The following SRGAP1 variants were observed in gnomAD, a reference collection of about 807,000 sequenced individuals.
SRGAP1 encodes the protein SLIT-ROBO Rho GTPase-activating protein 1.
SRGAP1 carries 43 observed loss-of-function variants against 121.9 expected under a neutral mutation model. The observed-to-expected ratio is 0.35, with a 90% CI of 0.28 to 0.46. The LOEUF is 0.46. Among genes scored for constraint, SRGAP1 ranks in the 20% least tolerant of loss-of-function variants. The pLI, the probability that SRGAP1 is intolerant of heterozygous loss-of-function variation, is 1.00. For synonymous variants in SRGAP1, 447 were observed against 485.4 expected, an observed-to-expected ratio of 0.92 and a Z score of 1.04; for missense variants, 1,102 against 1,350.9, an observed-to-expected ratio of 0.82 and a Z score of 2.89.
intron 1 of SRGAP1, among the ~76,000 whole-genome samples, chr12:63,851,070 C>T (rs149164401): frequency 0.027 from 4,098 of 152,190 alleles, 207 homozygotes; most frequent in African/African-American, 0.092. Context: ...GCACAAGAAT[C>T]ACTTGAACCC....
intron 1 of SRGAP1, chr12:63,878,920 C>A (rs921421865): frequency 6.6e-6 from 1 of 152,304 alleles, no homozygotes; most frequent in Non-Finnish European, 1.5e-5. Flanking sequence ...AACAGATAAA[C>A]CCAATGAACA....
At chr12:64,085,012 C>CA (rs1237530477) in intron 10 of SRGAP1, among the ~76,000 whole-genome samples, 2 of 152,070 alleles carry the variant, frequency 1.3e-5, no homozygotes, top group African/African-American at 4.8e-5. Flanking sequence ...TAGGATCTTT[C>CA]AAAGTATTTG....
intron 3 of SRGAP1, among the ~76,000 whole-genome samples, chr12:64,008,884 G>A (rs562613715): frequency 6.6e-6 from 1 of 152,214 alleles, no homozygotes; most frequent in East Asian, 1.9e-4. Flanking sequence ...TTAAGAGTAA[G>A]CTTATGGGTT....
chr12:64,086,845 A>G (rs1477288446), intron 10 of SRGAP1, among the ~76,000 whole-genome samples, 154 bp from the exon 11 acceptor site: 3 of 151,964 alleles, frequency 2.0e-5, no homozygotes, highest in South Asian at 2.1e-4. Context: ...TTATGTGTCT[A>G]TCTTCATATG....
chr12:64,007,797 C>G (rs1311755388), intron 3 of SRGAP1, among the ~76,000 whole-genome samples: 1 of 152,130 alleles, frequency 6.6e-6, no homozygotes, highest in Non-Finnish European at 1.5e-5. Context: ...ATCTAGAATT[C>G]TGCTTTGTTG....
chr12:63,926,516 G>A (rs544222262), intron 1 of SRGAP1, among the ~76,000 whole-genome samples: 3 of 152,184 alleles, frequency 2.0e-5, no homozygotes, highest in African/African-American at 7.2e-5. Flanking sequence ...TAGGGCTCAA[G>A]TCTTCTTTTT....
chr12:64,018,673 A>G (rs955460778), intron 4 of SRGAP1, among the ~76,000 whole-genome samples: 6 of 152,180 alleles, frequency 3.9e-5, no homozygotes, highest in Admixed American at 1.3e-4. Flanking sequence ...GACAGTTTCT[A>G]TGTGTTCCTC....
chr12:63,932,229 C>T (rs1366648750), intron 1 of SRGAP1, among the ~76,000 whole-genome samples: 1 of 152,038 alleles, frequency 6.6e-6, no homozygotes, highest in Non-Finnish European at 1.5e-5. Flanking sequence ...TTCAGTGAGC[C>T]GAGATTGCAC....
At chr12:63,908,702 T>C (rs1020711629) in intron 1 of SRGAP1, among the ~76,000 whole-genome samples, 5 of 152,112 alleles carry the variant, frequency 3.3e-5, no homozygotes, top group Non-Finnish European at 7.4e-5. Context: ...TAAACTTCTT[T>C]TGTTAAAGTT....
intron 7 of SRGAP1, 67 bp from the exon 8 acceptor site, chr12:64,065,051 A>G (rs1396850798): frequency 1.7e-6 from 2 of 1,166,520 alleles, no homozygotes; most frequent in Admixed American, 4.6e-5. Flanking sequence ...CATTTAAATA[A>G]CAGAGCCGTG....
At chr12:63,873,645 A>G (rs1384300241) in intron 1 of SRGAP1, among the ~76,000 whole-genome samples, 1 of 150,778 alleles carries the variant, frequency 6.6e-6, no homozygotes, top group Non-Finnish European at 1.5e-5. Flanking sequence ...GCTGAATGCC[A>G]TATAAAATTA....
intron 1 of SRGAP1, among the ~76,000 whole-genome samples, chr12:63,890,429 C>G (rs1206725731): frequency 1.3e-5 from 2 of 152,116 alleles, no homozygotes; most frequent in Non-Finnish European, 2.9e-5. Context: ...TTGAGTTTTG[C>G]TTCCACAGTG....
intron 6 of SRGAP1, 41 bp downstream of exon 6, chr12:64,043,616 A>G: frequency 1.4e-6 from 2 of 1,478,938 alleles, no homozygotes; most frequent in Non-Finnish European, 1.8e-6. Flanking sequence ...ATTAAAATGA[A>G]ATTAACAATA....
At chr12:64,121,168 C>T (rs2036600899) in intron 18 of SRGAP1, among the ~76,000 whole-genome samples, 1 of 151,928 alleles carries the variant, frequency 6.6e-6, no homozygotes, top group Admixed American at 6.6e-5. Context: ...CATGCACCAC[C>T]ATGCCTGGCT....
chr12:64,115,885 GT>G lies in SRGAP1; in HGVS notation c.2217del (p.Ser739ArgfsTer8), dbSNP rs1311711223. The G allele has an allele frequency of 3.1e-6, 5 of 1,611,886 alleles. No individual in the cohort carries two copies. Among genetic ancestry groups the G allele is most frequent in the Non-Finnish European group, 4.2e-6 (5 of 1,178,860 alleles). On this transcript the variant is annotated frameshift_variant, in exon 18 of 22. Coordinates refer to ENST00000355086, the MANE Select transcript of SRGAP1 (RefSeq NM_020762.4). LOFTEE classifies it high-confidence loss of function. ...GATGCTGGTACAGAGCCCCACACAA[GT>G]GAAGATGGTATGCTCTCCCCTTATG... Reference protein sequence around the residue: ...DQDAGTEPHTSEDECEPIEAI... With the variant: ...DQDAGTEPHTXEDECEPIEAI...
At chr12:63,936,106 TAAC>T (rs1477805048) in intron 1 of SRGAP1, among the ~76,000 whole-genome samples, 2 of 150,208 alleles carry the variant, frequency 1.3e-5, no homozygotes, top group African/African-American at 5.1e-5. Flanking sequence ...AGTGTTATAA[TAAC>T]AGTTATTTTT....
At chr12:64,069,251 C>T (rs755597189) in intron 8 of SRGAP1, among the ~76,000 whole-genome samples, 18 of 152,148 alleles carry the variant, frequency 1.2e-4, no homozygotes, top group Non-Finnish European at 2.2e-4. Context: ...TATCACCTGC[C>T]TTAAAACAAA....
Position 64,151,885 on chromosome 12 carries a change from A to T in SRGAP1, c.*9213A>T, listed in dbSNP as rs960615367. On this transcript the variant is annotated 3_prime_UTR_variant, in exon 22 of 22. Coordinates refer to ENST00000355086, the MANE Select transcript of SRGAP1 (RefSeq NM_020762.4). ...AACCCACTTTGTTTCATTCCAAAAA[A>T]TATTCTGCAGCCCCTCTACATCCTC... 1 of 152,214 alleles carries T rather than the reference A, an allele frequency of 6.6e-6. No individual in the cohort carries two copies. Among genetic ancestry groups the T allele is most frequent in the African/African-American group, 2.4e-5 (1 of 41,442 alleles). 9.4% of individuals were successfully genotyped at this position (152,214 alleles called of 1,614,324 possible).
chr12:64,085,848 T>C (rs1476553314), intron 10 of SRGAP1, among the ~76,000 whole-genome samples: 2 of 152,212 alleles, frequency 1.3e-5, no homozygotes. Context: ...CTTCAAGTCA[T>C]GTCCATGAAC....
Sources: gnomAD v4.1 joint callset for allele counts (sites outside exome capture counted in the v4.1 genomes callset) on GRCh38, gnomAD v4.1.1 for gene constraint, MANE v1.5 for transcripts, NCBI Gene and HGNC (gene_info 2026-07-23, HGNC 2026-07-21) for gene names.